Variants in GRIN3A observed in about 807,000 individuals in gnomAD.
The protein encoded by GRIN3A is glutamate ionotropic receptor NMDA type subunit 3A, also known as glutamate receptor ionotropic, NMDA 3A.
A neutral mutation model predicts 92.4 loss-of-function variants in GRIN3A; 47 were observed. That is an observed-to-expected ratio of 0.51 (90% CI 0.40 to 0.65). The LOEUF (loss-of-function observed/expected upper bound fraction) is 0.65, where lower values mean the gene tolerates loss of function less well. Ranked by LOEUF, GRIN3A falls within the 30% of genes least tolerant of loss-of-function variation. GRIN3A has a pLI of 0.00. For synonymous variants in GRIN3A, 527 were observed against 540.6 expected (o/e 0.97, Z 0.35); for missense variants, 1,324 against 1,393.1 (o/e 0.95, Z 0.79).
rs571883753 is a variant in GRIN3A, at chr9:101,715,480, T to A, written c.699+21801A>T. 6.2e-4 allele frequency among the ~76,000 whole-genome samples: 95 copies of A among 152,244 alleles called. 1 individual carries two copies. The highest frequency in any genetic ancestry group is 4.1e-4 in the South Asian group (2 of 4,830). ...AAATTCTCCATGTTTAAAGAAAAAGTTTTATGTAACAAATGCTAGGATAAA... is the reference window on the plus strand; with the variant it reads ...AAATTCTCCATGTTTAAAGAAAAAGATTTATGTAACAAATGCTAGGATAAA... On this transcript the variant is annotated intron_variant, in intron 1 of 8. Coordinates refer to ENST00000361820, the MANE Select transcript of GRIN3A (RefSeq NM_133445.3).
chr9:101,729,899 G>A (rs1333845040), intron 1 of GRIN3A, among the ~76,000 whole-genome samples: 1 of 152,110 alleles, frequency 6.6e-6, no homozygotes, highest in African/African-American at 2.4e-5. Flanking sequence ...GACCTATGCA[G>A]CAGGGCACTG....
intron 2 of GRIN3A, among the ~76,000 whole-genome samples, chr9:101,676,717 C>A (rs1032011798): frequency 6.6e-6 from 1 of 151,960 alleles, no homozygotes; most frequent in Non-Finnish European, 1.5e-5. Context: ...ATTACTTGCT[C>A]CTATACATGG....
chr9:101,632,159 G>T (rs1023961697), intron 3 of GRIN3A, among the ~76,000 whole-genome samples: 1 of 152,108 alleles, frequency 6.6e-6, no homozygotes, highest in Non-Finnish European at 1.5e-5. Flanking sequence ...TCTTCAGTCG[G>T]CCTGGGACAC....
chr9:101,574,134 A>G (rs1295519523), intron 8 of GRIN3A, among the ~76,000 whole-genome samples: 1 of 152,158 alleles, frequency 6.6e-6, no homozygotes, highest in Non-Finnish European at 1.5e-5. Flanking sequence ...ATCCCGAGAA[A>G]GCCCTCAGTT....
At chr9:101,633,701 T>C (rs992843181) in intron 3 of GRIN3A, among the ~76,000 whole-genome samples, 1 of 152,142 alleles carries the variant, frequency 6.6e-6, no homozygotes, top group Non-Finnish European at 1.5e-5. Context: ...AATCTAATGA[T>C]AAATGTAATA....
At chr9:101,701,441 C>T (rs1202251932) in intron 1 of GRIN3A, among the ~76,000 whole-genome samples, 1 of 151,998 alleles carries the variant, frequency 6.6e-6, no homozygotes, top group Non-Finnish European at 1.5e-5. Context: ...TCATTTAGCT[C>T]CCACTTGTAA....
At chr9:101,610,603 ATCT>A (rs909355782) in intron 6 of GRIN3A, among the ~76,000 whole-genome samples, 21 of 141,130 alleles carry the variant, frequency 1.5e-4, no homozygotes, top group African/African-American at 5.3e-4. Flanking sequence ...CTATCTATCT[ATCT>A]ATCTATCTAT....
At chr9:101,642,229 G>C (rs971875948) in intron 3 of GRIN3A, among the ~76,000 whole-genome samples, 14 of 152,188 alleles carry the variant, frequency 9.2e-5, no homozygotes, top group Admixed American at 3.9e-4. Context: ...AATAGTGAAA[G>C]GATAGTCTCT....
At chr9:101,630,060 C>T (rs1588257191) in intron 3 of GRIN3A, among the ~76,000 whole-genome samples, 1 of 152,342 alleles carries the variant, frequency 6.6e-6, no homozygotes, top group East Asian at 1.9e-4. Context: ...AGTCGTATGG[C>T]TTGCGCAAGG....
chr9:101,663,075 G>A (rs1050393266), intron 3 of GRIN3A, among the ~76,000 whole-genome samples: 1 of 151,752 alleles, frequency 6.6e-6, no homozygotes, highest in Non-Finnish European at 1.5e-5. Flanking sequence ...TGTCATAGTT[G>A]ATGAGACAGT....
At chr9:101,735,317 T>A (rs573559062) in intron 1 of GRIN3A, among the ~76,000 whole-genome samples, 7 of 152,038 alleles carry the variant, frequency 4.6e-5, no homozygotes, top group African/African-American at 1.7e-4. Context: ...TTAAAATATG[T>A]TTCTGAGTTG....
Position 101,737,952 on chromosome 9 carries a change from G to T in GRIN3A, c.28C>A (p.Leu10Met). ...GGCAACAGCAGACAGACCCTGCTCA[G>T]CAGCCACCACAAACTCAGTCTCCTC... MRRLSLWWL[L>M]SRVCLLLPPP... is the part of the protein sequence containing the mutation. Residue 10 changes from leucine to methionine, a missense_variant, in exon 1 of 9, where the codon CTG becomes ATG. Transcript: ENST00000361820. 6.5e-7 allele frequency: 1 copy of T among 1,537,682 alleles called. No homozygotes were observed.
chr9:101,731,670 G>A (rs1335997528), intron 1 of GRIN3A, among the ~76,000 whole-genome samples: 1 of 152,192 alleles, frequency 6.6e-6, no homozygotes, highest in East Asian at 1.9e-4. Flanking sequence ...ACTTTTTCAA[G>A]GCAGGAGATC....
At chr9:101,652,922 ATCC>A (rs1467175876) in intron 3 of GRIN3A, among the ~76,000 whole-genome samples, 1 of 128,890 alleles carries the variant, frequency 7.8e-6, no homozygotes, top group Non-Finnish European at 1.7e-5. Context: ...CTGTTTTCAC[ATCC>A]TTGTGATTTT....
intron 3 of GRIN3A, among the ~76,000 whole-genome samples, chr9:101,640,581 CAA>C (rs1212772869): frequency 6.6e-6 from 1 of 152,106 alleles, no homozygotes; most frequent in Non-Finnish European, 1.5e-5. Flanking sequence ...ATCCTTATAG[CAA>C]AGAGACTGAT....
At chr9:101,630,425 G>A (rs893033602) in intron 3 of GRIN3A, among the ~76,000 whole-genome samples, 11 of 152,102 alleles carry the variant, frequency 7.2e-5, no homozygotes, top group African/African-American at 2.2e-4. Flanking sequence ...TGACCTTTCC[G>A]TGCATTATCT....
intron 5 of GRIN3A, among the ~76,000 whole-genome samples, chr9:101,621,434 G>T (rs12683341): frequency 0.13 from 20,097 of 152,020 alleles, 1,391 homozygotes; most frequent in East Asian, 0.23. Context: ...TGAACTTATT[G>T]TCAGAAGTAG....
In GRIN3A at chr9:101,737,683, C is replaced by A. The variant is rs781001358; in HGVS notation, c.297G>T (p.Gly99=). 56 of 1,572,382 alleles carry A rather than the reference C, an allele frequency of 3.6e-5. No individual in the cohort carries two copies. Among genetic ancestry groups the A allele is most frequent in the Non-Finnish European group, 4.6e-5 (53 of 1,163,026 alleles). Reference sequence around the variant, plus strand: ...GCGGCCCCCGGCCATGCAGGGTGCTCCCCAACCAGCGTGCGCCCGGCGAGG... The same window carrying A: ...GCGGCCCCCGGCCATGCAGGGTGCTACCCAACCAGCGTGCGCCCGGCGAGG... The part of the protein sequence containing the change: ...PAPSPGARWL[G]STLHGRGPPG... The change falls in exon 1 of 9, where the codon GGG becomes GGT. Residue 99 remains glycine, a synonymous_variant. Coordinates refer to ENST00000361820, the MANE Select transcript of GRIN3A (RefSeq NM_133445.3).
intron 1 of GRIN3A, among the ~76,000 whole-genome samples, chr9:101,715,986 A>G (rs918395951): frequency 6.6e-6 from 1 of 152,238 alleles, no homozygotes; most frequent in African/African-American, 2.4e-5. Flanking sequence ...ATGCAATAAA[A>G]TGAAAGCAAT....
Sources: gnomAD v4.1 joint callset for allele counts (sites outside exome capture counted in the v4.1 genomes callset) on GRCh38, gnomAD v4.1.1 for gene constraint, MANE v1.5 for transcripts, NCBI Gene and HGNC (gene_info 2026-07-23, HGNC 2026-07-21) for gene names.